Variants in MAGI3 observed in about 807,000 individuals in gnomAD.
MAGI3 encodes membrane-associated guanylate kinase, WW and PDZ domain-containing protein 3.
In MAGI3, 43 loss-of-function variants were observed where a neutral mutation model predicts 121.8. The ratio of observed to expected loss-of-function variants is 0.35; its 90% CI spans 0.28 to 0.46. The LOEUF is 0.46. Ranked by LOEUF, MAGI3 falls within the 20% of genes least tolerant of loss-of-function variation. The probability of loss-of-function intolerance (pLI) is 1.00; values close to 1 mark genes in which losing one functional copy is unlikely to be tolerated. For missense variants in MAGI3, 1,547 were observed against 1,797.3 expected, an observed-to-expected ratio of 0.86 and a Z score of 2.52; for synonymous variants, 553 against 639.3, an observed-to-expected ratio of 0.86 and a Z score of 2.04.
At chr1:113,445,705 CA>C (rs1311028382) in intron 1 of MAGI3, among the ~76,000 whole-genome samples, 1 of 152,182 alleles carries the variant, frequency 6.6e-6, no homozygotes, top group African/African-American at 2.4e-5. Context: ...GCAGATTTCT[CA>C]TCAGAAACTT....
chr1:113,529,788 A>G (rs1006704956), intron 1 of MAGI3, among the ~76,000 whole-genome samples: 1 of 152,206 alleles, frequency 6.6e-6, no homozygotes, highest in Non-Finnish European at 1.5e-5. Flanking sequence ...GAAATGAGAT[A>G]TAAACATTAT....
At chr1:113,410,168 G>T (rs953737455) in intron 1 of MAGI3, among the ~76,000 whole-genome samples, 1 of 151,946 alleles carries the variant, frequency 6.6e-6, no homozygotes, top group Non-Finnish European at 1.5e-5. Context: ...ATTCATTACG[G>T]AATACCCTGC....
chr1:113,670,954 A>G lies in MAGI3; in HGVS notation c.2816-780A>G, dbSNP rs540431304. Among the ~76,000 whole-genome samples the G allele has an allele frequency of 2.0e-5, 3 of 152,340 alleles. No individual in the cohort carries two copies. The East Asian group carries it at 5.8e-4, about 29-fold the overall frequency. On this transcript the variant is annotated intron_variant, in intron 16 of 20. Coordinates refer to ENST00000307546, the MANE Select transcript of MAGI3 (RefSeq NM_001142782.2). ...AAATATCCTATGCTTTTATATTTAA[A>G]CATAATAAAATGTTCAAAAGTTTCA...
At chr1:113,426,016 G>C (rs1300480180) in intron 1 of MAGI3, among the ~76,000 whole-genome samples, 1 of 151,538 alleles carries the variant, frequency 6.6e-6, no homozygotes, top group African/African-American at 2.4e-5. Flanking sequence ...ACCTCTTCTT[G>C]TTTCTACTAT....
At chr1:113,625,541 T>C (rs969549210) in intron 9 of MAGI3, among the ~76,000 whole-genome samples, 5 of 152,242 alleles carry the variant, frequency 3.3e-5, no homozygotes, top group African/African-American at 9.6e-5. Flanking sequence ...TGTATGTCGC[T>C]TTTGTATCCT....
At chr1:113,538,658 T>C (rs1009047208) in intron 1 of MAGI3, among the ~76,000 whole-genome samples, 1 of 152,234 alleles carries the variant, frequency 6.6e-6, no homozygotes, top group Non-Finnish European at 1.5e-5. Context: ...GAAGGTCCCA[T>C]CTTACTTTGC....
At chr1:113,455,126 A>G (rs1654681687) in intron 1 of MAGI3, among the ~76,000 whole-genome samples, 1 of 152,206 alleles carries the variant, frequency 6.6e-6, no homozygotes, top group Non-Finnish European at 1.5e-5. Flanking sequence ...TAAAAATGAC[A>G]TAGAAATACA....
At chr1:113,409,204 A>G (rs762233178) in intron 1 of MAGI3, among the ~76,000 whole-genome samples, 8 of 151,778 alleles carry the variant, frequency 5.3e-5, no homozygotes, top group Non-Finnish European at 1.2e-4. Context: ...CACTCTCCCA[A>G]ATTTGACAAG....
At chr1:113,678,113 GTTTT>G (rs11447632) in intron 19 of MAGI3, among the ~76,000 whole-genome samples, 342 of 147,500 alleles carry the variant, frequency 2.3e-3, no homozygotes, top group African/African-American at 7.9e-3. Flanking sequence ...AGTTTTTGTT[GTTTT>G]TTTTTTTTGC....
At chr1:113,395,003 C>T (rs978724767) in intron 1 of MAGI3, among the ~76,000 whole-genome samples, 5 of 150,486 alleles carry the variant, frequency 3.3e-5, no homozygotes, top group African/African-American at 1.2e-4. Flanking sequence ...AGAAACACTA[C>T]TGGATGCTTT....
chr1:113,393,855 T>C (rs1413385670), intron 1 of MAGI3, among the ~76,000 whole-genome samples: 7 of 152,246 alleles, frequency 4.6e-5, no homozygotes, highest in African/African-American at 1.7e-4. Context: ...TAAGGTATTG[T>C]AAAGTGTACT....
intron 2 of MAGI3, among the ~76,000 whole-genome samples, chr1:113,574,748 G>A (rs933695343): frequency 2.0e-5 from 3 of 152,110 alleles, no homozygotes; most frequent in East Asian, 1.9e-4. Flanking sequence ...GCTAGGTTGC[G>A]GAGGTTCTCC....
rs1650021826 is a variant in MAGI3, at chr1:113,609,981, G to A, written c.1019-4620G>A. 1.3e-5 allele frequency among the ~76,000 whole-genome samples: 2 copies of A among 151,998 alleles called. 1 individual carries two copies. The highest frequency in any genetic ancestry group is 4.1e-4 in the South Asian group (2 of 4,824). ...TTGTTTTAAGTCATCTATTCTTAAG[G>A]ACTCTACTTCGTATTTTTCTCTTCA... On this transcript the variant is annotated intron_variant, in intron 6 of 20. Coordinates refer to ENST00000307546, the MANE Select transcript of MAGI3 (RefSeq NM_001142782.2).
chr1:113,399,420 C>T (rs1284743088), intron 1 of MAGI3, among the ~76,000 whole-genome samples: 1 of 151,908 alleles, frequency 6.6e-6, no homozygotes, highest in Non-Finnish European at 1.5e-5. Context: ...GGTGGGATGC[C>T]GAGGAATCAA....
At chr1:113,671,645 ATC>A in intron 16 of MAGI3, 87 bp from the exon 17 acceptor site, 1 of 1,189,316 alleles carries the variant, frequency 8.4e-7, no homozygotes, top group East Asian at 2.5e-5. Flanking sequence ...AGCAATAGCC[ATC>A]TGTTATTGTC....
intron 1 of MAGI3, among the ~76,000 whole-genome samples, chr1:113,438,776 C>T (rs1190148024): frequency 6.6e-6 from 1 of 152,210 alleles, no homozygotes; most frequent in African/African-American, 2.4e-5. Context: ...TTGAGGGTCA[C>T]ATTTCAACAT....
Position 113,658,030 on chromosome 1 carries a change from A to G in MAGI3, c.2630-1050A>G, listed in dbSNP as rs976449531. The stretch of plus-strand genomic sequence containing the variant: ...ATACTAGTAAGGAGCAGGTTTTACT[A>G]TGGAAATTAAACATCATTCACAGTG... On this transcript the variant is annotated intron_variant, in intron 15 of 20. Transcript: ENST00000307546. This position sits in a 1 kb window ranked among gnomAD's most constrained non-coding sequence, Gnocchi z 4.0. Among the ~76,000 whole-genome samples the G allele has an allele frequency of 1.3e-5, 2 of 152,216 alleles. No homozygotes were observed. Among genetic ancestry groups the G allele is most frequent in the South Asian group, 2.1e-4 (1 of 4,834 alleles).
intron 19 of MAGI3, among the ~76,000 whole-genome samples, chr1:113,674,430 A>T (rs542414190): frequency 1.6e-3 from 224 of 142,266 alleles, no homozygotes; most frequent in African/African-American, 5.3e-3. Flanking sequence ...TCTTCAATTT[A>T]AAAAAAAAAA....
In MAGI3 at chr1:113,683,601, C is replaced by G. The variant is rs748193223; in HGVS notation, c.4033C>G (p.Gln1345Glu). 3.0e-5 allele frequency: 48 copies of G among 1,613,444 alleles called. No individual in the cohort carries two copies. The highest frequency in any genetic ancestry group is 3.3e-5 in the Non-Finnish European group (39 of 1,179,820). The stretch of plus-strand genomic sequence containing the variant: ...CATCAGGAAAGATGCAAAGCAGAAT[C>G]AGTTGGAAAAAAGCAGAACAAGGTC... ...DVIRKDAKQN[Q>E]LEKSRTRSPE... The change falls in exon 21 of 21, where the codon CAG becomes GAG. Residue 1345 changes from glutamine (Q) to glutamate (E), a missense_variant. By Grantham distance (29) the Gln-to-Glu change is conservative. Coordinates refer to ENST00000307546, the MANE Select transcript of MAGI3 (RefSeq NM_001142782.2).
Sources: gnomAD v4.1 joint callset for allele counts (sites outside exome capture counted in the v4.1 genomes callset) on GRCh38, gnomAD v4.1.1 for gene constraint, Gnocchi (gnomAD v3.1) non-coding constraint, MANE v1.5 for transcripts, NCBI Gene and HGNC (gene_info 2026-07-23, HGNC 2026-07-21) for gene names.